The following SLIT3 variants were observed in gnomAD, a reference collection of about 807,000 sequenced individuals.
SLIT3 encodes slit guidance ligand 3.
A neutral mutation model predicts 184.0 loss-of-function variants in SLIT3; 68 were observed. The ratio of observed to expected loss-of-function variants is 0.37; its 90% CI spans 0.30 to 0.45. The LOEUF is 0.45. SLIT3 is among the 20% of genes least tolerant of loss of function. The probability of loss-of-function intolerance (pLI) is 1.00; values close to 1 mark genes in which losing one functional copy is unlikely to be tolerated. For missense variants in SLIT3, 1,707 were observed against 2,026.0 expected (o/e 0.84, Z 3.02); for synonymous variants, 831 against 828.6 (o/e 1.00, Z -0.05).
intron 6 of SLIT3, among the ~76,000 whole-genome samples, chr5:168,842,685 C>T (rs1398038543): frequency 6.6e-6 from 1 of 152,110 alleles, no homozygotes; most frequent in African/African-American, 2.4e-5. Context: ...CAAGCCCCAC[C>T]CAGGTGTGTC....
At chr5:168,695,019 G>T (rs960960316) in intron 28 of SLIT3, among the ~76,000 whole-genome samples, 1 of 152,168 alleles carries the variant, frequency 6.6e-6, no homozygotes, top group Non-Finnish European at 1.5e-5. Flanking sequence ...AGTTGGTGGT[G>T]GTACGTTCCT....
chr5:169,073,729 C>T (rs1350239901), intron 4 of SLIT3, among the ~76,000 whole-genome samples: 1 of 152,086 alleles, frequency 6.6e-6, no homozygotes, highest in African/African-American at 2.4e-5. Flanking sequence ...CACAACCTTG[C>T]TTCTTCTCTT....
chr5:169,048,421 G>C (rs535363828), intron 4 of SLIT3, among the ~76,000 whole-genome samples: 2 of 152,302 alleles, frequency 1.3e-5, no homozygotes, highest in East Asian at 1.9e-4. Context: ...TTACTGAATA[G>C]AGTCCTCAAG....
intron 4 of SLIT3, among the ~76,000 whole-genome samples, chr5:169,016,078 CCAGTGAGCCCCAGCCG>C (rs1195869560): frequency 3.3e-5 from 5 of 152,064 alleles, no homozygotes; most frequent in Admixed American, 6.6e-5. Flanking sequence ...CTCACAAAGG[CCAGTGAGCCCCAGCCG>C]CAGACCAGGG....
intron 4 of SLIT3, among the ~76,000 whole-genome samples, chr5:169,129,753 A>G (rs891678444): frequency 6.6e-6 from 1 of 152,142 alleles, no homozygotes; most frequent in Non-Finnish European, 1.5e-5. Context: ...TAATGGGAAA[A>G]CCAGTGACAC....
chr5:169,200,896 G>C (rs1763887880), intron 3 of SLIT3, among the ~76,000 whole-genome samples: 1 of 152,216 alleles, frequency 6.6e-6, no homozygotes, highest in South Asian at 2.1e-4. Flanking sequence ...GTTTATACCA[G>C]TGTCATGATC....
chr5:168,900,731 T>C (rs1420396333), intron 4 of SLIT3, among the ~76,000 whole-genome samples: 4 of 152,206 alleles, frequency 2.6e-5, no homozygotes, highest in African/African-American at 9.7e-5. Flanking sequence ...TAATGGATGA[T>C]TGGGTAAAGA....
At chr5:168,797,415 C>A (rs138945723) in intron 9 of SLIT3, among the ~76,000 whole-genome samples, 1 of 152,212 alleles carries the variant, frequency 6.6e-6, no homozygotes, top group Admixed American at 6.5e-5. Flanking sequence ...TCTGTAACAA[C>A]GGCAATCCCC....
chr5:168,795,165 A>C, intron 10 of SLIT3, among the ~76,000 whole-genome samples: 1 of 152,202 alleles, frequency 6.6e-6, no homozygotes, highest in East Asian at 1.9e-4. Context: ...ATCTCTGCTG[A>C]AACTCCTATT....
intron 4 of SLIT3, among the ~76,000 whole-genome samples, chr5:168,998,230 C>T (rs559495040): frequency 5.1e-4 from 77 of 152,334 alleles, no homozygotes; most frequent in South Asian, 2.7e-3. Context: ...ACATCCGTTT[C>T]ATCCCTTCCT....
chr5:169,238,543 CTTTTTT>C (rs71698425), intron 3 of SLIT3, among the ~76,000 whole-genome samples: 3 of 117,144 alleles, frequency 2.6e-5, no homozygotes, highest in African/African-American at 6.6e-5. Context: ...AGTGAAATAG[CTTTTTT>C]TTTTTTTTTT....
intron 3 of SLIT3, among the ~76,000 whole-genome samples, chr5:169,208,705 G>C (rs1764156526): frequency 6.6e-6 from 1 of 152,256 alleles, no homozygotes; most frequent in South Asian, 2.1e-4. Context: ...TATTTAATAA[G>C]TGGTATTGGG....
rs1437057321 is a variant in SLIT3, at chr5:169,300,440, G to A, written c.197+73C>T. On this transcript the variant is annotated intron_variant, in intron 1 of 35. Coordinates refer to ENST00000519560, the MANE Select transcript of SLIT3 (RefSeq NM_003062.4). This position sits in a 1 kb window ranked among gnomAD's most constrained non-coding sequence, Gnocchi z 4.1. ...TCCAGGGAGGCCGAGGGGAAAGGAC[G>A]GATCTGGCGCCTGGGGCCCCCTCGG... 2.9e-6 allele frequency: 4 copies of A among 1,375,420 alleles called. No individual in the cohort carries two copies. The highest frequency in any genetic ancestry group is 3.5e-5 in the Admixed American group (1 of 28,852). 85.2% of individuals were successfully genotyped at this position (1,375,420 alleles called of 1,614,324 possible).
chr5:169,053,413 T>C (rs1328437166), intron 4 of SLIT3, among the ~76,000 whole-genome samples: 1 of 152,238 alleles, frequency 6.6e-6, no homozygotes, highest in Non-Finnish European at 1.5e-5. Context: ...TGCCTTTTTT[T>C]GTTTTGCCAT....
intron 4 of SLIT3, among the ~76,000 whole-genome samples, chr5:169,066,670 G>A (rs1209826127): frequency 3.3e-5 from 5 of 152,190 alleles, no homozygotes; most frequent in African/African-American, 1.2e-4. Flanking sequence ...CACTCCCTTT[G>A]ACCGGCATGT....
intron 25 of SLIT3, chr5:168,708,415 T>C: frequency 2.5e-6 from 1 of 401,972 alleles, no homozygotes; most frequent in Non-Finnish European, 4.6e-6. Flanking sequence ...AGAAACCCCC[T>C]GTGTATCTTT....
At position 169,192,632 on chromosome 5, in the gene SLIT3, C is replaced by T. The variant is rs150259850; in HGVS notation, c.413+847G>A. On this transcript the variant is annotated intron_variant, in intron 4 of 35. Transcript: ENST00000519560. ...ATGGTGGCCACAACGTTGGAGCCTC[C>T]CTGCAATGTTAAAGCCTTCCCAGCC... 4.5e-3 allele frequency among the ~76,000 whole-genome samples: 691 copies of T among 152,232 alleles called. 6 individuals are homozygous for T. Among genetic ancestry groups the T allele is most frequent in the African/African-American group, 0.016 (667 of 41,512 alleles).
intron 4 of SLIT3, among the ~76,000 whole-genome samples, chr5:168,992,144 A>G (rs1755351376): frequency 1.3e-5 from 2 of 152,066 alleles, no homozygotes; most frequent in Non-Finnish European, 2.9e-5. Flanking sequence ...CCCTCTCCTG[A>G]GCCACCCTTC....
At chr5:168,704,642 T>A (rs962761227) in intron 26 of SLIT3, among the ~76,000 whole-genome samples, 1 of 152,188 alleles carries the variant, frequency 6.6e-6, no homozygotes, top group African/African-American at 2.4e-5. Flanking sequence ...CTACAAGAGA[T>A]AATGTGTTTA....
Sources: gnomAD v4.1 joint callset for allele counts (sites outside exome capture counted in the v4.1 genomes callset) on GRCh38, gnomAD v4.1.1 for gene constraint, Gnocchi (gnomAD v3.1) non-coding constraint, MANE v1.5 for transcripts, NCBI Gene and HGNC (gene_info 2026-07-23, HGNC 2026-07-21) for gene names.